The following NCAM2 variants were observed in gnomAD, a reference collection of about 807,000 sequenced individuals.
The protein encoded by NCAM2 is N-CAM-2.
NCAM2 carries 30 observed loss-of-function variants against 98.1 expected under a neutral mutation model. That is an observed-to-expected ratio of 0.31 (90% confidence interval 0.23 to 0.41). The LOEUF is 0.41. NCAM2 is among the 10% of genes least tolerant of loss of function. The pLI is 1.00. For missense variants in NCAM2, 867 were observed against 1,005.8 expected, an observed-to-expected ratio of 0.86 and a Z score of 1.87; for synonymous variants, 368 against 342.4, an observed-to-expected ratio of 1.07 and a Z score of -0.83.
intron 1 of NCAM2, among the ~76,000 whole-genome samples, chr21:21,086,363 C>T (rs1410087054): frequency 6.6e-6 from 1 of 152,108 alleles, no homozygotes; most frequent in Non-Finnish European, 1.5e-5. Context: ...TTCAACAGCT[C>T]GTTTTGCAGA....
chr21:21,172,130 C>G (rs1275204684), intron 1 of NCAM2, among the ~76,000 whole-genome samples: 1 of 151,622 alleles, frequency 6.6e-6, no homozygotes, highest in African/African-American at 2.4e-5. Flanking sequence ...GTGTAGTCCC[C>G]TATTTAATGG....
chr21:21,410,448 A>G lies in NCAM2; in HGVS notation c.1370A>G (p.Lys457Arg). 1 of 1,552,132 alleles carries G rather than the reference A, an allele frequency of 6.4e-7. No individual in the cohort carries two copies. Among genetic ancestry groups the G allele is most frequent in the Non-Finnish European group, 8.7e-7 (1 of 1,149,438 alleles). The change falls in exon 10 of 18, where the codon AAG becomes AGG. Residue 457 changes from lysine to arginine, a missense_variant. Lys to Arg is a conservative substitution (Grantham distance 26). Coordinates refer to ENST00000400546, the MANE Select transcript of NCAM2 (RefSeq NM_004540.5). ...TTAAAGACTTATAGTACAGGAAGAA[A>G]GATGATATTAGAGGTAAGTCCACAT... is the stretch of plus-strand genomic sequence containing the variant. ...TNLKTYSTGR[K>R]MILEIAPTSD...
chr21:21,533,144 T>C (rs904812489), intron 16 of NCAM2, among the ~76,000 whole-genome samples: 4 of 150,688 alleles, frequency 2.7e-5, no homozygotes, highest in African/African-American at 4.9e-5. Context: ...CTTTGGACCA[T>C]TGTAGATTTG....
At chr21:21,281,017 C>G (rs373305020) in intron 2 of NCAM2, among the ~76,000 whole-genome samples, 27 of 152,198 alleles carry the variant, frequency 1.8e-4, no homozygotes, top group African/African-American at 6.5e-4. Context: ...TCTCAAACTT[C>G]TGACCTCAAG....
intron 1 of NCAM2, among the ~76,000 whole-genome samples, chr21:21,036,434 G>A (rs2064798207): frequency 6.6e-6 from 1 of 152,108 alleles, no homozygotes; most frequent in African/African-American, 2.4e-5. Flanking sequence ...CAAAATGGTA[G>A]GGAAGTTTAA....
At chr21:21,497,962 C>A (rs73216098) in intron 15 of NCAM2, among the ~76,000 whole-genome samples, 1 of 151,674 alleles carries the variant, frequency 6.6e-6, no homozygotes, top group African/African-American at 2.4e-5. Context: ...TTTCAAATTC[C>A]CCAAATAATA....
intron 15 of NCAM2, among the ~76,000 whole-genome samples, chr21:21,504,029 T>C (rs952590729): frequency 3.3e-5 from 5 of 151,924 alleles, no homozygotes; most frequent in Admixed American, 3.3e-4. Context: ...CCAAATAATA[T>C]TAAAGGTATA....
At chr21:21,473,394 T>TA (rs1569099960) in intron 14 of NCAM2, among the ~76,000 whole-genome samples, 2 of 99,870 alleles carry the variant, frequency 2.0e-5, no homozygotes, top group African/African-American at 7.2e-5. Context: ...ATATATATAT[T>TA]ATATATAAAA....
chr21:21,096,661 ATCTT>A (rs973398147), intron 1 of NCAM2, among the ~76,000 whole-genome samples: 5 of 151,824 alleles, frequency 3.3e-5, no homozygotes, highest in African/African-American at 1.2e-4. Flanking sequence ...ATGGTTATGT[ATCTT>A]TCTAAGTTTG....
chr21:21,091,752 T>G (rs1376356707), intron 1 of NCAM2, among the ~76,000 whole-genome samples: 1 of 152,180 alleles, frequency 6.6e-6, no homozygotes, highest in East Asian at 1.9e-4. Context: ...CATAATTACC[T>G]GAAACCAAAA....
Position 21,101,593 on chromosome 21 carries a change from A to G in NCAM2, c.55+102975A>G, listed in dbSNP as rs76675807. Among the ~76,000 whole-genome samples, 1,322 of 152,194 alleles carry G rather than the reference A, an allele frequency of 8.7e-3. 17 individuals are homozygous for G. Among genetic ancestry groups the G allele is most frequent in the East Asian group, 0.032 (167 of 5,160 alleles). ...AATCTGTCATTCTGATTTAGTAAAC[A>G]TGGCACAGTGGCCGTACAGATAAAA... On this transcript the variant is annotated intron_variant, in intron 1 of 17. Coordinates refer to ENST00000400546, the MANE Select transcript of NCAM2 (RefSeq NM_004540.5).
chr21:21,472,464 T>C lies in NCAM2; in HGVS notation c.1896+3681T>C, dbSNP rs1159638382. Among the ~76,000 whole-genome samples, 4 of 152,176 alleles carry C rather than the reference T, an allele frequency of 2.6e-5. No homozygotes were observed. In the South Asian group the frequency reaches 6.2e-4, roughly 24 times the overall value. On this transcript the variant is annotated intron_variant, in intron 14 of 17. Transcript: ENST00000400546. ...ATTTAAAGCCATTATAGTTTAAGTT[T>C]TGAAGTATTTTTAAACAATGAATAC...
chr21:21,043,760 A>G (rs1467990128), intron 1 of NCAM2, among the ~76,000 whole-genome samples: 4 of 149,762 alleles, frequency 2.7e-5, no homozygotes, highest in African/African-American at 4.9e-5. Flanking sequence ...TAGGCGTGAC[A>G]GGAGAGTGGC....
chr21:21,510,256 T>C (rs1988278035), intron 16 of NCAM2, among the ~76,000 whole-genome samples: 1 of 152,130 alleles, frequency 6.6e-6, no homozygotes, highest in African/African-American at 2.4e-5. Flanking sequence ...TGACAAATGT[T>C]TTTATATGTG....
chr21:21,059,811 G>T (rs1406267385), intron 1 of NCAM2, among the ~76,000 whole-genome samples: 1 of 152,066 alleles, frequency 6.6e-6, no homozygotes, highest in Non-Finnish European at 1.5e-5. Context: ...GTATGTAGCA[G>T]ATAGAGACCA....
At chr21:21,034,890 T>C (rs2064766673) in intron 1 of NCAM2, among the ~76,000 whole-genome samples, 1 of 152,186 alleles carries the variant, frequency 6.6e-6, no homozygotes, top group Non-Finnish European at 1.5e-5. Context: ...ATATAGGGTT[T>C]TTAAAAGTTA....
intron 8 of NCAM2, among the ~76,000 whole-genome samples, chr21:21,368,940 T>C (rs2075850010): frequency 6.6e-6 from 1 of 151,896 alleles, no homozygotes; most frequent in African/African-American, 2.4e-5. Flanking sequence ...CCAATAACCT[T>C]CAACTGATAT....
At chr21:21,308,989 A>G (rs989013722) in intron 5 of NCAM2, among the ~76,000 whole-genome samples, 11 of 152,174 alleles carry the variant, frequency 7.2e-5, no homozygotes, top group African/African-American at 7.2e-5. Flanking sequence ...ATGTAGACAC[A>G]TGATTTTTAA....
At chr21:21,437,731 T>G (rs1324512677) in intron 12 of NCAM2, among the ~76,000 whole-genome samples, 2 of 152,078 alleles carry the variant, frequency 1.3e-5, no homozygotes, top group Non-Finnish European at 2.9e-5. Context: ...TCCTGGTCTT[T>G]CCACACACTT....
Sources: allele counts gnomAD v4.1 joint callset (sites outside exome capture counted in the v4.1 genomes callset), GRCh38; gene constraint gnomAD v4.1.1; transcripts MANE v1.5; gene names NCBI Gene and HGNC (gene_info 2026-07-23, HGNC 2026-07-21).